SNTG1: variants seen among roughly 807,000 people sequenced by gnomAD.
SNTG1 encodes the protein syntrophin gamma 1, also known as gamma-1-syntrophin.
Under a neutral mutation model 74.7 loss-of-function variants are expected in SNTG1, and 39 were observed. The observed-to-expected ratio is 0.52, with a 90% CI of 0.40 to 0.68. The LOEUF (loss-of-function observed/expected upper bound fraction) is 0.68. Among genes scored for constraint, SNTG1 ranks in the 30% least tolerant of loss-of-function variants. The pLI is 0.00. For synonymous variants in SNTG1, 254 were observed against 217.1 expected, an observed-to-expected ratio of 1.17 and a Z score of -1.49; for missense variants, 685 against 609.5, an observed-to-expected ratio of 1.12 and a Z score of -1.30.
At chr8:50,351,405 A>G (rs573901734) in intron 2 of SNTG1, among the ~76,000 whole-genome samples, 40 of 152,358 alleles carry the variant, frequency 2.6e-4, no homozygotes, top group African/African-American at 8.2e-4. Flanking sequence ...GACAGAAATG[A>G]TGAATGCTAC....
At chr8:50,725,434 A>G (rs1489146368) in intron 17 of SNTG1, among the ~76,000 whole-genome samples, 1 of 152,174 alleles carries the variant, frequency 6.6e-6, no homozygotes, top group African/African-American at 2.4e-5. Flanking sequence ...AGATAAGTAT[A>G]TATAGTTCTA....
At chr8:50,543,827 T>C (rs2094366222) in intron 11 of SNTG1, among the ~76,000 whole-genome samples, 1 of 152,158 alleles carries the variant, frequency 6.6e-6, no homozygotes, top group Admixed American at 6.5e-5. Flanking sequence ...AATGACTGTT[T>C]CTCCACATCT....
chr8:50,138,713 C>A (rs938712165), intron 1 of SNTG1, among the ~76,000 whole-genome samples: 4 of 151,074 alleles, frequency 2.6e-5, no homozygotes, highest in Non-Finnish European at 4.4e-5. Flanking sequence ...GAAGGACATG[C>A]AGTTCATACT....
chr8:50,122,563 A>G (rs1286390775), intron 1 of SNTG1, among the ~76,000 whole-genome samples: 2 of 142,012 alleles, frequency 1.4e-5, no homozygotes, highest in African/African-American at 2.5e-5. Flanking sequence ...CTCGTAGCTC[A>G]TATTTTAGAA....
At chr8:50,668,550 C>T in intron 15 of SNTG1, among the ~76,000 whole-genome samples, 1 of 149,692 alleles carries the variant, frequency 6.7e-6, no homozygotes, top group East Asian at 2.0e-4. Context: ...GCTTTAAGTT[C>T]TGGGATACAT....
At chr8:50,167,476 C>T (rs371066952) in intron 1 of SNTG1, among the ~76,000 whole-genome samples, 67 of 151,476 alleles carry the variant, frequency 4.4e-4, no homozygotes, top group African/African-American at 1.3e-3. Context: ...CTCTCTGGAC[C>T]GTGATTATAT....
intron 18 of SNTG1, among the ~76,000 whole-genome samples, chr8:50,780,736 C>T (rs1055217230): frequency 2.6e-4 from 40 of 151,964 alleles, no homozygotes; most frequent in Non-Finnish European, 5.0e-4. Flanking sequence ...TATTTCTTGC[C>T]TTCTGCTATC....
rs190708422 is a variant in SNTG1 at position 50,601,569 on chromosome 8, G to T, written c.849+10652G>T. ...TGGTATCTCCTTTAGAATAATCTAT[G>T]TGCTGAGGAGAAGAATGTTTATTCT... On this transcript the variant is annotated intron_variant, in intron 13 of 18. Coordinates refer to ENST00000642720, the MANE Select transcript of SNTG1 (RefSeq NM_018967.5). Among the ~76,000 whole-genome samples the T allele has an allele frequency of 2.6e-5, 4 of 152,240 alleles. 1 individual carries two copies. The East Asian group carries it at 7.7e-4, about 29-fold the overall frequency.
intron 2 of SNTG1, among the ~76,000 whole-genome samples, chr8:50,306,004 T>G (rs1014058421): frequency 6.6e-6 from 1 of 152,070 alleles, no homozygotes; most frequent in African/African-American, 2.4e-5. Context: ...GTACCCATAG[T>G]ATACATTTTA....
intron 13 of SNTG1, among the ~76,000 whole-genome samples, chr8:50,639,635 GA>G (rs1231216258): frequency 6.6e-6 from 1 of 151,696 alleles, no homozygotes; most frequent in Non-Finnish European, 1.5e-5. Context: ...ATTACTGACA[GA>G]AAAAAATATT....
At chr8:50,261,722 G>A (rs139164687) in intron 2 of SNTG1, among the ~76,000 whole-genome samples, 67 of 152,040 alleles carry the variant, frequency 4.4e-4, no homozygotes, top group East Asian at 1.5e-3. Context: ...TGCATTAGAC[G>A]TAAATGTAAA....
chr8:50,029,248 G>A (rs944235412), intron 1 of SNTG1, among the ~76,000 whole-genome samples: 3 of 152,056 alleles, frequency 2.0e-5, no homozygotes, highest in African/African-American at 4.8e-5. Context: ...TACATGTGAT[G>A]TTTTGATACA....
At chr8:50,187,456 C>A (rs1586630326) in intron 2 of SNTG1, among the ~76,000 whole-genome samples, 1 of 152,112 alleles carries the variant, frequency 6.6e-6, no homozygotes. Flanking sequence ...GGTAAACTGA[C>A]TAGCCATACG....
At chr8:50,380,092 C>A (rs987958218) in intron 2 of SNTG1, among the ~76,000 whole-genome samples, 1 of 152,184 alleles carries the variant, frequency 6.6e-6, no homozygotes, top group African/African-American at 2.4e-5. Context: ...ACAAGAGAAG[C>A]AAACTGCTCT....
intron 1 of SNTG1, among the ~76,000 whole-genome samples, chr8:49,924,049 G>T (rs187028559): frequency 3.9e-5 from 6 of 152,210 alleles, no homozygotes; most frequent in African/African-American, 1.4e-4. Flanking sequence ...AGGACATTCT[G>T]AAGGAAATTT....
chr8:50,309,627 C>T (rs1167248568), intron 2 of SNTG1, among the ~76,000 whole-genome samples: 1 of 152,074 alleles, frequency 6.6e-6, no homozygotes, highest in Non-Finnish European at 1.5e-5. Flanking sequence ...ACAGAAGAGG[C>T]AGGTAACATT....
intron 1 of SNTG1, among the ~76,000 whole-genome samples, chr8:49,927,195 C>CT (rs2129350943): frequency 6.6e-6 from 1 of 152,178 alleles, no homozygotes; most frequent in South Asian, 2.1e-4. Flanking sequence ...CAGTTGGGGA[C>CT]TTTTTTACAA....
At chr8:50,002,097 G>A (rs1306196011) in intron 1 of SNTG1, among the ~76,000 whole-genome samples, 1 of 152,138 alleles carries the variant, frequency 6.6e-6, no homozygotes, top group African/African-American at 2.4e-5. Context: ...ATATTTAAAA[G>A]TCTTATTACT....
chr8:50,706,657 A>C (rs894258616), intron 16 of SNTG1, among the ~76,000 whole-genome samples: 1 of 152,148 alleles, frequency 6.6e-6, no homozygotes, highest in Non-Finnish European at 1.5e-5. Context: ...AAGGTAAAAC[A>C]TTTAATGTCT....
Sources: gnomAD v4.1 joint callset for allele counts (sites outside exome capture counted in the v4.1 genomes callset) on GRCh38, gnomAD v4.1.1 for gene constraint, MANE v1.5 for transcripts, NCBI Gene and HGNC (gene_info 2026-07-23, HGNC 2026-07-21) for gene names.